The following TRPM3 variants were observed in gnomAD, a reference collection of about 807,000 sequenced individuals.
TRPM3 encodes the protein long transient receptor potential channel 3.
Under a neutral mutation model 181.2 loss-of-function variants are expected in TRPM3, and 77 were observed. The observed-to-expected ratio is 0.42, with a 90% CI of 0.35 to 0.51. The LOEUF is 0.51. Ranked by LOEUF, TRPM3 falls within the 20% of genes least tolerant of loss-of-function variation. The probability of loss-of-function intolerance (pLI) is 0.01; values close to 1 mark genes in which losing one functional copy is unlikely to be tolerated. For synonymous variants in TRPM3, 745 were observed against 796.4 expected (o/e 0.94, Z 1.09); for missense variants, 1,759 against 2,196.7 (o/e 0.80, Z 3.98).
chr9:70,889,405 G>T (rs2096155009), intron 1 of TRPM3, among the ~76,000 whole-genome samples: 1 of 152,136 alleles, frequency 6.6e-6, no homozygotes, highest in Admixed American at 6.5e-5. Context: ...ACATTGATGG[G>T]CGAGGTCCCC....
intron 3 of TRPM3, among the ~76,000 whole-genome samples, chr9:70,847,018 T>A (rs2094991114): frequency 1.3e-5 from 2 of 152,202 alleles, no homozygotes. Flanking sequence ...ATTTGAAAGA[T>A]TCTAGAATTC....
At chr9:70,783,985 T>C in intron 7 of TRPM3, 120 bp downstream of exon 7, 1 of 1,474,284 alleles carries the variant, frequency 6.8e-7, no homozygotes, top group Non-Finnish European at 9.0e-7. Flanking sequence ...TTTTAGACAA[T>C]TTGTTCATAG....
chr9:71,164,549 G>A (rs1052499414), intron 1 of TRPM3, among the ~76,000 whole-genome samples: 10 of 152,044 alleles, frequency 6.6e-5, no homozygotes, highest in Middle Eastern at 6.8e-3. Flanking sequence ...AGAGGCAGAG[G>A]GTAAGAGAAG....
At chr9:71,113,741 T>A (rs375911450) in intron 1 of TRPM3, among the ~76,000 whole-genome samples, 1 of 152,208 alleles carries the variant, frequency 6.6e-6, no homozygotes, top group African/African-American at 2.4e-5. Flanking sequence ...TATAAATGTA[T>A]AGAGAGATAC....
intron 1 of TRPM3, among the ~76,000 whole-genome samples, chr9:71,421,967 A>G (rs7852943): frequency 0.24 from 35,690 of 151,772 alleles, 4,563 homozygotes; most frequent in Middle Eastern, 0.32. Flanking sequence ...CTTTTTTTGT[A>G]TTGTCACTTC....
At chr9:70,901,615 T>C (rs888965915) in intron 1 of TRPM3, among the ~76,000 whole-genome samples, 1 of 152,080 alleles carries the variant, frequency 6.6e-6, no homozygotes, top group Non-Finnish European at 1.5e-5. Flanking sequence ...TCCAAATAAA[T>C]TGCAAATAAA....
intron 1 of TRPM3, among the ~76,000 whole-genome samples, chr9:71,421,344 T>G (rs1226582400): frequency 1.3e-5 from 2 of 151,540 alleles, no homozygotes; most frequent in Non-Finnish European, 2.9e-5. Context: ...ACCAATCTAC[T>G]CCCTGTATCT....
intron 1 of TRPM3, among the ~76,000 whole-genome samples, chr9:71,087,346 T>A (rs948239062): frequency 6.6e-6 from 1 of 152,060 alleles, no homozygotes; most frequent in Admixed American, 6.6e-5. Context: ...TGAATTCAAA[T>A]CCCATTTCCT....
rs2093651826 is a variant in TRPM3 at position 70,827,901 on chromosome 9, C to A, written c.919G>T (p.Val307Leu). 1 of 1,614,178 alleles carries A rather than the reference C, an allele frequency of 6.2e-7. No individual in the cohort carries two copies. Among genetic ancestry groups the A allele is most frequent in the Non-Finnish European group, 8.5e-7 (1 of 1,180,008 alleles). Reference protein sequence around the residue: ...NGTTGKYGAEVKLRRQLEKHI... With the variant: ...NGTTGKYGAELKLRRQLEKHI... Reference sequence around the variant, plus strand: ...TTTTCCAGTTGTCTTCGAAGTTTCACCTCTGCTCCATATTTTCCAGTGGTC... The same window carrying A: ...TTTTCCAGTTGTCTTCGAAGTTTCAACTCTGCTCCATATTTTCCAGTGGTC... Residue 307 changes from valine (V) to leucine (L), a missense_variant, in exon 6 of 26, where the codon GTG becomes TTG. Around this residue, in one of 8 missense-constraint regions of TRPM3, gnomAD observed 737 missense variants for 957.4 expected, o/e 0.77. Transcript: ENST00000677713.
At chr9:71,353,747 T>G (rs1055695697) in intron 1 of TRPM3, among the ~76,000 whole-genome samples, 7 of 152,230 alleles carry the variant, frequency 4.6e-5, no homozygotes, top group Admixed American at 3.3e-4. Context: ...TGTAAATATT[T>G]GGCAGTTTTA....
chr9:71,406,080 C>T (rs986981555), intron 1 of TRPM3, among the ~76,000 whole-genome samples: 2 of 152,116 alleles, frequency 1.3e-5, no homozygotes, highest in African/African-American at 2.4e-5. Flanking sequence ...TCGAGACCAT[C>T]CTGGCTAACA....
At chr9:70,621,177 T>C in intron 15 of TRPM3, 67 bp downstream of exon 15, 1 of 891,526 alleles carries the variant, frequency 1.1e-6, no homozygotes, top group East Asian at 3.5e-5. Context: ...ACTATATATG[T>C]AGCATATATA....
intron 1 of TRPM3, among the ~76,000 whole-genome samples, chr9:70,883,890 T>C (rs2096040899): frequency 6.6e-6 from 1 of 152,192 alleles, no homozygotes; most frequent in Admixed American, 6.5e-5. Flanking sequence ...AGGTAGAGTA[T>C]TTTTATCTTT....
At chr9:71,079,175 T>C (rs1468440107) in intron 1 of TRPM3, among the ~76,000 whole-genome samples, 1 of 152,204 alleles carries the variant, frequency 6.6e-6, no homozygotes, top group Non-Finnish European at 1.5e-5. Flanking sequence ...GAGAGAATGT[T>C]TGACTATATC....
intron 1 of TRPM3, among the ~76,000 whole-genome samples, chr9:70,887,496 A>C (rs1168840810): frequency 2.0e-5 from 3 of 152,200 alleles, no homozygotes. Flanking sequence ...AAATTTAATA[A>C]GTAAAATTTT....
chr9:71,098,389 T>A (rs1484099912), intron 1 of TRPM3, among the ~76,000 whole-genome samples: 1 of 152,182 alleles, frequency 6.6e-6, no homozygotes, highest in Non-Finnish European at 1.5e-5. Context: ...AGCAGATATG[T>A]GTGTGGAAAC....
chr9:71,113,029 T>C (rs1213372845), intron 1 of TRPM3, among the ~76,000 whole-genome samples: 3 of 152,200 alleles, frequency 2.0e-5, no homozygotes, highest in Non-Finnish European at 2.9e-5. Context: ...CCAGATCACC[T>C]TGGGTCTTGT....
intron 1 of TRPM3, among the ~76,000 whole-genome samples, chr9:71,004,360 G>A (rs1185792327): frequency 6.6e-6 from 1 of 152,230 alleles, no homozygotes; most frequent in African/African-American, 2.4e-5. Context: ...GGAAACAAGG[G>A]CAGCACAACA....
rs1215579946 is a variant in TRPM3, at chr9:70,534,301, G to A, written c.*1652C>T. ...CAAAAAAGGGCAGAAGGCGAGCAGT[G>A]AGTCATTTTGACAACTCTAGTTTGA... On this transcript the variant is annotated 3_prime_UTR_variant, in exon 26 of 26. Transcript: ENST00000677713. 3 of 152,182 alleles carry A rather than the reference G, an allele frequency of 2.0e-5. No individual in the cohort carries two copies. The highest frequency in any genetic ancestry group is 2.9e-5 in the Non-Finnish European group (2 of 68,036). 9.4% of individuals were successfully genotyped at this position (152,182 alleles called of 1,614,324 possible). A position where few individuals can be genotyped will look rare whatever the true frequency, so the allele number is the denominator to read the frequency against.
Sources: allele counts gnomAD v4.1 joint callset (sites outside exome capture counted in the v4.1 genomes callset), GRCh38; gene constraint gnomAD v4.1.1; regional missense constraint gnomAD v4.1.1; transcripts MANE v1.5; gene names NCBI Gene and HGNC (gene_info 2026-07-23, HGNC 2026-07-21).